Variants in LRMDA observed in about 807,000 individuals in gnomAD.
The protein encoded by LRMDA is leucine rich melanocyte differentiation associated, also known as leucine-rich melanocyte differentiation-associated protein.
LRMDA carries 18 observed loss-of-function variants against 29.8 expected under a neutral mutation model. The ratio of observed to expected loss-of-function variants is 0.60; its 90% CI spans 0.42 to 0.90. The LOEUF is 0.90. LRMDA is among the 40% of genes least tolerant of loss of function. The probability of loss-of-function intolerance (pLI) is 0.00; values close to 1 mark genes in which losing one functional copy is unlikely to be tolerated. For synonymous variants in LRMDA, 125 were observed against 109.4 expected (o/e 1.14, Z -0.89); for missense variants, 273 against 273.9 (o/e 1.00, Z 0.02).
chr10:75,493,595 T>G lies in LRMDA; in HGVS notation c.131+55101T>G, dbSNP rs976552834. Reference sequence around the variant, plus strand: ...GGAAGATACCCCGTCATTCTCTTGGTTGAGATGGTTAAGTCACATCCTTAA... The same window carrying G: ...GGAAGATACCCCGTCATTCTCTTGGGTGAGATGGTTAAGTCACATCCTTAA... On this transcript the variant is annotated intron_variant, in intron 2 of 6. Coordinates refer to ENST00000611255, the MANE Select transcript of LRMDA (RefSeq NM_001305581.2). Among the ~76,000 whole-genome samples, 41 of 152,108 alleles carry G rather than the reference T, an allele frequency of 2.7e-4. 1 individual carries two copies. Among genetic ancestry groups the G allele is most frequent in the African/African-American group, 9.7e-4 (40 of 41,416 alleles).
intron 2 of LRMDA, among the ~76,000 whole-genome samples, chr10:75,940,088 A>G (rs1359307440): frequency 6.6e-6 from 1 of 152,188 alleles, no homozygotes; most frequent in Admixed American, 6.5e-5. Flanking sequence ...TAGGTGATGA[A>G]TTCAACAGAT....
intron 6 of LRMDA, among the ~76,000 whole-genome samples, chr10:76,383,579 C>T (rs369964838): frequency 7.3e-5 from 11 of 149,688 alleles, no homozygotes; most frequent in Middle Eastern, 3.4e-3. Flanking sequence ...TACAGGCGCC[C>T]GCCACCACGC....
chr10:75,466,893 T>A (rs1415540574), intron 2 of LRMDA, among the ~76,000 whole-genome samples: 1 of 151,880 alleles, frequency 6.6e-6, no homozygotes, highest in Non-Finnish European at 1.5e-5. Flanking sequence ...AAAGAAAAAA[T>A]TAAAAAAAAC....
At chr10:76,149,818 G>A (rs1039327562) in intron 5 of LRMDA, among the ~76,000 whole-genome samples, 1 of 152,168 alleles carries the variant, frequency 6.6e-6, no homozygotes, top group Non-Finnish European at 1.5e-5. Context: ...GAGCCTTTAA[G>A]CTCATTATCA....
At chr10:76,048,981 A>G (rs965912569) in intron 4 of LRMDA, among the ~76,000 whole-genome samples, 1 of 152,072 alleles carries the variant, frequency 6.6e-6, no homozygotes, top group African/African-American at 2.4e-5. Context: ...CTAGGAACTT[A>G]TAGGGAGATG....
chr10:75,525,432 T>C (rs1049283861), intron 2 of LRMDA, among the ~76,000 whole-genome samples: 2 of 152,154 alleles, frequency 1.3e-5, no homozygotes, highest in African/African-American at 4.8e-5. Context: ...GCTATTTCTC[T>C]TTTTCTAGAG....
chr10:75,612,963 T>C (rs1381969307), intron 2 of LRMDA, among the ~76,000 whole-genome samples: 1 of 152,190 alleles, frequency 6.6e-6, no homozygotes, highest in Non-Finnish European at 1.5e-5. Context: ...CTTTCGTTGG[T>C]TTGCTGTGCT....
chr10:76,018,859 C>T (rs1182146199), intron 2 of LRMDA, among the ~76,000 whole-genome samples: 4 of 152,092 alleles, frequency 2.6e-5, no homozygotes, highest in Non-Finnish European at 4.4e-5. Context: ...AGTGAGCCAC[C>T]GTGCCTGGCC....
At chr10:76,303,101 T>A (rs1840502469) in intron 5 of LRMDA, among the ~76,000 whole-genome samples, 1 of 152,198 alleles carries the variant, frequency 6.6e-6, no homozygotes, top group African/African-American at 2.4e-5. Context: ...TGCAAGCCCC[T>A]TGCTGAACTC....
chr10:76,235,020 G>A (rs193088375), intron 5 of LRMDA, among the ~76,000 whole-genome samples: 4 of 152,306 alleles, frequency 2.6e-5, no homozygotes, highest in Admixed American at 2.6e-4. Context: ...CTAGCTTTCA[G>A]CCTATCTTGG....
chr10:75,606,498 G>C (rs572301335), intron 2 of LRMDA, among the ~76,000 whole-genome samples: 1 of 152,090 alleles, frequency 6.6e-6, no homozygotes, highest in African/African-American at 2.4e-5. Flanking sequence ...AGTCCATTCC[G>C]GGCTACATGG....
At chr10:76,527,077 G>A (rs1047823815) in intron 6 of LRMDA, among the ~76,000 whole-genome samples, 2 of 148,592 alleles carry the variant, frequency 1.3e-5, no homozygotes, top group Admixed American at 6.7e-5. Context: ...AAGAAGAGGT[G>A]GAGCTGGGAT....
intron 2 of LRMDA, among the ~76,000 whole-genome samples, chr10:75,883,875 A>ATATTACCT (rs1160265956): frequency 4.5e-4 from 69 of 151,742 alleles, no homozygotes; most frequent in African/African-American, 1.6e-3. Context: ...GAATGGTGAT[A>ATATTACCT]TATTACCTTA....
intron 2 of LRMDA, among the ~76,000 whole-genome samples, chr10:75,963,006 A>G (rs1008390732): frequency 2.6e-5 from 4 of 152,218 alleles, no homozygotes; most frequent in Admixed American, 2.0e-4. Context: ...CAATTAGGGA[A>G]TTAATTCATT....
At chr10:76,070,839 C>T (rs191646281) in intron 5 of LRMDA, among the ~76,000 whole-genome samples, 2 of 152,288 alleles carry the variant, frequency 1.3e-5, no homozygotes, top group Admixed American at 6.5e-5. Context: ...TCTCCTCAGC[C>T]ACCGCACGAG....
intron 5 of LRMDA, among the ~76,000 whole-genome samples, chr10:76,236,313 C>G (rs946290785): frequency 1.8e-4 from 27 of 152,130 alleles, no homozygotes; most frequent in African/African-American, 6.5e-4. Context: ...ATTTGCATCC[C>G]CATTGTTCCT....
At chr10:75,931,649 C>G (rs1385271730) in intron 2 of LRMDA, among the ~76,000 whole-genome samples, 1 of 152,186 alleles carries the variant, frequency 6.6e-6, no homozygotes, top group Non-Finnish European at 1.5e-5. Context: ...AGCTTCTGCT[C>G]AAGGAAGTCC....
chr10:75,458,902 A>G (rs541276047), intron 2 of LRMDA, among the ~76,000 whole-genome samples: 2 of 152,208 alleles, frequency 1.3e-5, no homozygotes, highest in South Asian at 4.1e-4. Flanking sequence ...AAAAACTCCC[A>G]TCTGATTTTT....
chr10:75,524,924 G>A (rs978781167), intron 2 of LRMDA, among the ~76,000 whole-genome samples: 3 of 152,304 alleles, frequency 2.0e-5, no homozygotes, highest in South Asian at 2.1e-4. Context: ...GCTTTAAAGT[G>A]TAAGATGATT....
Sources: allele counts gnomAD v4.1 joint callset (sites outside exome capture counted in the v4.1 genomes callset), GRCh38; gene constraint gnomAD v4.1.1; transcripts MANE v1.5; gene names NCBI Gene and HGNC (gene_info 2026-07-23, HGNC 2026-07-21).